Variants in GALNT18 observed in about 807,000 individuals in gnomAD.
GALNT18 encodes the protein polypeptide N-acetylgalactosaminyltransferase 18, also known as GalNAc-transferase 18.
GALNT18 carries 44 observed loss-of-function variants against 69.5 expected under a neutral mutation model. The observed-to-expected ratio is 0.63, with a 90% confidence interval of 0.50 to 0.81. The LOEUF is 0.81. GALNT18 is among the 40% of genes least tolerant of loss of function. GALNT18 has a pLI of 0.00. For missense variants in GALNT18, 715 were observed against 810.0 expected (o/e 0.88, Z 1.42); for synonymous variants, 364 against 318.2 (o/e 1.14, Z -1.53).
chr11:11,339,426 A>G lies in GALNT18; in HGVS notation c.1278+1393T>C, dbSNP rs1850164073. On this transcript the variant is annotated intron_variant, in intron 7 of 10. Transcript: ENST00000227756. The surrounding 1 kb of genome is among the most constrained non-coding windows in gnomAD (Gnocchi z 5.2). ...CAGCTCTGGGGTACAGAGAGAAGGCAGTAAGAGTATGCTCACTCACCAGTC... is the reference window on the plus strand; with the variant it reads ...CAGCTCTGGGGTACAGAGAGAAGGCGGTAAGAGTATGCTCACTCACCAGTC... Among the ~76,000 whole-genome samples, 1 of 152,170 alleles carries G rather than the reference A, an allele frequency of 6.6e-6. No homozygotes were observed. The highest frequency in any genetic ancestry group is 2.4e-5 in the African/African-American group (1 of 41,452).
At chr11:11,466,984 A>G (rs1383009452) in intron 1 of GALNT18, among the ~76,000 whole-genome samples, 1 of 152,234 alleles carries the variant, frequency 6.6e-6, no homozygotes, top group East Asian at 1.9e-4. Flanking sequence ...ACTGGGAGTC[A>G]GAAGCCCTGA....
intron 6 of GALNT18, among the ~76,000 whole-genome samples, chr11:11,361,899 G>C (rs1051876049): frequency 2.6e-5 from 4 of 152,114 alleles, no homozygotes; most frequent in African/African-American, 9.7e-5. Context: ...GCATTAGTTT[G>C]CTAGGCTAAA....
chr11:11,411,750 C>T (rs1854733173), intron 3 of GALNT18, among the ~76,000 whole-genome samples: 1 of 152,184 alleles, frequency 6.6e-6, no homozygotes, highest in African/African-American at 2.4e-5. Flanking sequence ...GGAATCCTGG[C>T]CAGCAAGTGA....
chr11:11,519,762 G>A (rs1219529031), intron 1 of GALNT18, among the ~76,000 whole-genome samples: 1 of 152,218 alleles, frequency 6.6e-6, no homozygotes, highest in Non-Finnish European at 1.5e-5. Flanking sequence ...GGGGAAGGAG[G>A]GACTGGAGCC....
At position 11,595,645 on chromosome 11, in the gene GALNT18, G is replaced by T. The variant is rs1005032842; in HGVS notation, c.235+25714C>A. On this transcript the variant is annotated intron_variant, in intron 1 of 10. Coordinates refer to ENST00000227756, the MANE Select transcript of GALNT18 (RefSeq NM_198516.3). This position sits in a 1 kb window ranked among gnomAD's most constrained non-coding sequence, Gnocchi z 5.2. ...TTTCCCAAATGGCTAATTATGTCCAGCATCCTTTCATGTGGTTACTGAACA... is the reference window on the plus strand; with the variant it reads ...TTTCCCAAATGGCTAATTATGTCCATCATCCTTTCATGTGGTTACTGAACA... Among the ~76,000 whole-genome samples, 6 of 152,198 alleles carry T rather than the reference G, an allele frequency of 3.9e-5. No individual in the cohort carries two copies. Among genetic ancestry groups the T allele is most frequent in the African/African-American group, 1.4e-4 (6 of 41,450 alleles).
rs150817711 is a variant in GALNT18 at position 11,537,586 on chromosome 11, C to A, written c.235+83773G>T. Among the ~76,000 whole-genome samples, 32 of 152,252 alleles carry A rather than the reference C, an allele frequency of 2.1e-4. 2 individuals carry two copies. Among genetic ancestry groups the A allele is most frequent in the African/African-American group, 7.7e-4 (32 of 41,536 alleles). ...CCCTAGTGATTAGACAGAAATAGCC[C>A]AGCCATGGAGAAAGTCATCCCTAAG... On this transcript the variant is annotated intron_variant, in intron 1 of 10. Transcript: ENST00000227756.
intron 10 of GALNT18, among the ~76,000 whole-genome samples, chr11:11,285,863 C>G (rs1367142206): frequency 6.6e-6 from 1 of 152,166 alleles, no homozygotes; most frequent in East Asian, 1.9e-4. Flanking sequence ...GCGTGCGTTA[C>G]TCATCTTGCA....
At chr11:11,280,330 C>T (rs1039887939) in intron 10 of GALNT18, among the ~76,000 whole-genome samples, 8 of 152,162 alleles carry the variant, frequency 5.3e-5, no homozygotes, top group African/African-American at 1.9e-4. Context: ...TGAAAGAGAC[C>T]TTGAAGGCCA....
chr11:11,487,001 G>A (rs1856659919), intron 1 of GALNT18, among the ~76,000 whole-genome samples: 1 of 152,182 alleles, frequency 6.6e-6, no homozygotes, highest in African/African-American at 2.4e-5. Context: ...CTCCAGGAAT[G>A]ACCACCCATC....
In GALNT18 at chr11:11,454,369, T is replaced by C. The variant is rs1855876110; in HGVS notation, c.236-5433A>G. 6.6e-6 allele frequency among the ~76,000 whole-genome samples: 1 copy of C among 152,050 alleles called. No homozygotes were observed. The highest frequency in any genetic ancestry group is 2.4e-5 in the African/African-American group (1 of 41,394). On this transcript the variant is annotated intron_variant, in intron 1 of 10. Coordinates refer to ENST00000227756, the MANE Select transcript of GALNT18 (RefSeq NM_198516.3). The surrounding 1 kb of genome is among the most constrained non-coding windows in gnomAD (Gnocchi z 4.2). ...CTCTCCCAGGACTCCTCTGTAAATCTCTTATACCAGAGAATTACCAGGCTT... is the reference window on the plus strand; with the variant it reads ...CTCTCCCAGGACTCCTCTGTAAATCCCTTATACCAGAGAATTACCAGGCTT...
At chr11:11,349,145 T>G (rs1850354787) in intron 6 of GALNT18, among the ~76,000 whole-genome samples, 2 of 152,252 alleles carry the variant, frequency 1.3e-5, no homozygotes, top group South Asian at 4.1e-4. Context: ...TTGCTTCATT[T>G]ATTTTCATCA....
intron 1 of GALNT18, among the ~76,000 whole-genome samples, chr11:11,510,684 C>T (rs3934816): frequency 0.54 from 82,766 of 152,112 alleles, 24,627 homozygotes; most frequent in Non-Finnish European, 0.67. Flanking sequence ...TATCCAGCTA[C>T]TGTGCCACTT....
intron 1 of GALNT18, among the ~76,000 whole-genome samples, chr11:11,485,349 C>G (rs1300637292): frequency 1.3e-5 from 2 of 152,198 alleles, no homozygotes; most frequent in African/African-American, 4.8e-5. Flanking sequence ...ATTCCTATGA[C>G]CCCCTCCTCG....
chr11:11,552,037 T>G (rs2133970314), intron 1 of GALNT18, among the ~76,000 whole-genome samples: 1 of 152,372 alleles, frequency 6.6e-6, no homozygotes, highest in South Asian at 2.1e-4. Flanking sequence ...TTTGTGGATC[T>G]TCAGTTGCTT....
intron 1 of GALNT18, among the ~76,000 whole-genome samples, chr11:11,471,190 G>A (rs1480767381): frequency 6.6e-6 from 1 of 151,964 alleles, no homozygotes. Context: ...CGTCCTTCTG[G>A]TTGGCTTTCT....
At chr11:11,344,926 C>A (rs533384639) in intron 6 of GALNT18, among the ~76,000 whole-genome samples, 1 of 152,298 alleles carries the variant, frequency 6.6e-6, no homozygotes, top group African/African-American at 2.4e-5. Flanking sequence ...GCTCAGGGAG[C>A]CCCTGCTGAA....
At position 11,592,715 on chromosome 11, in the gene GALNT18, C is replaced by T. The variant is rs1334918494; in HGVS notation, c.235+28644G>A. Among the ~76,000 whole-genome samples, 2 of 152,078 alleles carry T rather than the reference C, an allele frequency of 1.3e-5. No homozygotes were observed. Among genetic ancestry groups the T allele is most frequent in the Non-Finnish European group, 2.9e-5 (2 of 68,004 alleles). ...TTGGGAGTTCCAACTCTTTGAAAAG[C>T]CAAAAAACAGGAAAGGGGCTGATTT... On this transcript the variant is annotated intron_variant, in intron 1 of 10. Coordinates refer to ENST00000227756, the MANE Select transcript of GALNT18 (RefSeq NM_198516.3). The surrounding 1 kb of genome is among the most constrained non-coding windows in gnomAD (Gnocchi z 5.9).
rs56791321 is a variant in GALNT18 at position 11,497,750 on chromosome 11, C to CTATATA, written c.236-48820_236-48815dup. On this transcript the variant is annotated intron_variant, in intron 1 of 10. Coordinates refer to ENST00000227756, the MANE Select transcript of GALNT18 (RefSeq NM_198516.3). This position sits in a 1 kb window ranked among gnomAD's most constrained non-coding sequence, Gnocchi z 4.2. Reference sequence around the variant, plus strand: ...ATGTGTATGTGCATATACATATTTTCTATATATATATATATATACACACAC... The same window carrying CTATATA: ...ATGTGTATGTGCATATACATATTTTCTATATATATATATATATATATATACACACAC... Among the ~76,000 whole-genome samples the CTATATA allele has an allele frequency of 0.063, 9,176 of 144,754 alleles. 376 individuals are homozygous for CTATATA. Among genetic ancestry groups the CTATATA allele is most frequent in the Non-Finnish European group, 0.088 (5,857 of 66,368 alleles). 95.0% of individuals were successfully genotyped at this position (144,754 alleles called of 152,430 possible). A position where few individuals can be genotyped will look rare whatever the true frequency, so the allele number is the denominator to read the frequency against.
intron 1 of GALNT18, among the ~76,000 whole-genome samples, chr11:11,597,079 A>G (rs1283395262): frequency 6.6e-6 from 1 of 152,106 alleles, no homozygotes; most frequent in East Asian, 1.9e-4. Context: ...ATACTTCATC[A>G]ATATTTTATG....
Sources: allele counts gnomAD v4.1 joint callset (sites outside exome capture counted in the v4.1 genomes callset), GRCh38; gene constraint gnomAD v4.1.1; non-coding constraint Gnocchi (gnomAD v3.1); transcripts MANE v1.5; gene names NCBI Gene and HGNC (gene_info 2026-07-23, HGNC 2026-07-21).